Variants in FYB1 observed in about 807,000 individuals in gnomAD.
FYB1 encodes the protein FYN binding protein 1, also known as FYN-binding protein 1.
Under a neutral mutation model 94.1 loss-of-function variants are expected in FYB1, and 41 were observed. The ratio of observed to expected loss-of-function variants is 0.44; its 90% CI spans 0.34 to 0.57. FYB1 has a LOEUF of 0.57. Ranked by LOEUF, FYB1 falls within the 20% of genes least tolerant of loss-of-function variation. The pLI, the probability that FYB1 is intolerant of heterozygous loss-of-function variation, is 0.02. For missense variants in FYB1, 1,050 were observed against 976.8 expected, an observed-to-expected ratio of 1.07 and a Z score of -1.00; for synonymous variants, 367 against 353.2, an observed-to-expected ratio of 1.04 and a Z score of -0.44.
chr5:39,247,718 A>G (rs1751543525), intron 1 of FYB1, among the ~76,000 whole-genome samples: 1 of 151,928 alleles, frequency 6.6e-6, no homozygotes, highest in African/African-American at 2.4e-5. Flanking sequence ...TTACATGGTG[A>G]AGTAAACATT....
At chr5:39,218,849 G>A (rs1307845710) in intron 1 of FYB1, among the ~76,000 whole-genome samples, 1 of 152,234 alleles carries the variant, frequency 6.6e-6, no homozygotes, top group Non-Finnish European at 1.5e-5. Flanking sequence ...GTTGCTGGTT[G>A]CTTTGAAAGG....
chr5:39,113,315 T>C (rs1739234297), intron 16 of FYB1, among the ~76,000 whole-genome samples: 2 of 152,132 alleles, frequency 1.3e-5, no homozygotes, highest in South Asian at 4.1e-4. Flanking sequence ...CTGTATCATG[T>C]AGAAGGGCAG....
Position 39,231,157 on chromosome 5 carries a change from AAAAAC to A in FYB1, c.-27-28175_-27-28171del, listed in dbSNP as rs1451647764. 5.1e-4 allele frequency among the ~76,000 whole-genome samples: 60 copies of A among 118,424 alleles called. 1 individual carries two copies. Among genetic ancestry groups the A allele is most frequent in the African/African-American group, 1.7e-3 (39 of 22,772 alleles). The allele number at this position is 118,424 out of a possible 152,430, so 77.7% of individuals were successfully genotyped here. A position where few individuals can be genotyped will look rare whatever the true frequency, so the allele number is the denominator to read the frequency against. ...GTACTCAGCTCAGAGCAAAAAAAAA[AAAAAC>A]AAAAAAAAACAAAAAAAACAAAACA... On this transcript the variant is annotated intron_variant, in intron 1 of 1. Transcript: ENST00000510188.
Position 39,106,443 on chromosome 5 carries a change from A to G in FYB1, c.*1000T>C, listed in dbSNP as rs1286195928. On this transcript the variant is annotated 3_prime_UTR_variant, in exon 19 of 19. Transcript: ENST00000512982. ...TTTTTGGATTGCTTTGGGAATGAGT[A>G]TGTACTGTTAGAGAAGGGCCCAATC... 6.6e-6 allele frequency: 1 copy of G among 152,138 alleles called. No individual in the cohort carries two copies. The highest frequency in any genetic ancestry group is 1.5e-5 in the Non-Finnish European group (1 of 68,004). The allele number at this position is 152,138 out of a possible 1,614,324, so 9.4% of individuals were successfully genotyped here.
chr5:39,160,412 G>A (rs1744142937), intron 2 of FYB1, among the ~76,000 whole-genome samples: 2 of 152,102 alleles, frequency 1.3e-5, no homozygotes, highest in Non-Finnish European at 2.9e-5. Flanking sequence ...AGATTTGTTC[G>A]AGAATCTTAG....
intron 2 of FYB1, among the ~76,000 whole-genome samples, chr5:39,184,357 G>A (rs370145979): frequency 4.6e-5 from 7 of 152,196 alleles, no homozygotes; most frequent in African/African-American, 1.7e-4. Flanking sequence ...TGAGGAGGTA[G>A]GTACACTTAT....
chr5:39,110,057 A>G lies in FYB1; in HGVS notation c.2435+299T>C, dbSNP rs567259003. On this transcript the variant is annotated intron_variant, in intron 17 of 18. Coordinates refer to ENST00000512982, the MANE Select transcript of FYB1 (RefSeq NM_001465.6). ...AATGCAAAATATTGATGAAAAGGTT[A>G]CTGGCTTTGACATGTCTTCAGTGTT... Among the ~76,000 whole-genome samples, 19 of 152,266 alleles carry G rather than the reference A, an allele frequency of 1.2e-4. 1 individual carries two copies. The South Asian group carries it at 3.5e-3, about 28-fold the overall frequency.
chr5:39,203,471 T>A (rs574783768), intron 1 of FYB1, among the ~76,000 whole-genome samples: 1 of 152,344 alleles, frequency 6.6e-6, no homozygotes, highest in East Asian at 1.9e-4. Context: ...ATGTTTAACA[T>A]ACATCTCTGT....
intron 1 of FYB1, among the ~76,000 whole-genome samples, chr5:39,215,073 T>C (rs1288153323): frequency 6.6e-6 from 1 of 152,140 alleles, no homozygotes; most frequent in African/African-American, 2.4e-5. Flanking sequence ...GAGTTACAGT[T>C]GGGAAAGAAG....
chr5:39,204,502 G>A (rs1748668458), intron 1 of FYB1, among the ~76,000 whole-genome samples: 1 of 152,190 alleles, frequency 6.6e-6, no homozygotes, highest in African/African-American at 2.4e-5. Context: ...TATTAGAACT[G>A]TTATGTAGCA....
chr5:39,166,437 TAA>T (rs61298144), intron 2 of FYB1, among the ~76,000 whole-genome samples: 679 of 138,874 alleles, frequency 4.9e-3, no homozygotes, highest in Middle Eastern at 7.3e-3. Flanking sequence ...CTCCGTCTCA[TAA>T]AAAAAAAAAA....
At chr5:39,171,247 G>A (rs753825793) in intron 2 of FYB1, among the ~76,000 whole-genome samples, 1 of 151,780 alleles carries the variant, frequency 6.6e-6, no homozygotes, top group Non-Finnish European at 1.5e-5. Flanking sequence ...CCGAGATCGT[G>A]CCACTGCTCT....
At chr5:39,249,900 A>G (rs1447304439) in intron 1 of FYB1, among the ~76,000 whole-genome samples, 3 of 152,166 alleles carry the variant, frequency 2.0e-5, no homozygotes, top group Non-Finnish European at 4.4e-5. Flanking sequence ...TGTAATCCCT[A>G]TAACCCCCAT....
intron 2 of FYB1, among the ~76,000 whole-genome samples, chr5:39,180,361 T>C (rs545008562): frequency 2.0e-5 from 3 of 152,340 alleles, no homozygotes; most frequent in Admixed American, 1.3e-4. Context: ...CCTGATGCCC[T>C]TCACCAGCGC....
intron 3 of FYB1, among the ~76,000 whole-genome samples, chr5:39,153,002 G>T (rs1743378821): frequency 6.6e-6 from 1 of 152,178 alleles, no homozygotes; most frequent in Non-Finnish European, 1.5e-5. Context: ...GTGAAATAAT[G>T]ATGATACTAT....
chr5:39,270,654 A>G, intron 1 of FYB1: 1 of 1,364,216 alleles, frequency 7.3e-7, no homozygotes, highest in Non-Finnish European at 1.0e-6. Context: ...CAAGTTAGCT[A>G]TGCAGAGTGT....
chr5:39,270,670 C>T (rs2111774524), intron 1 of FYB1: 1 of 1,177,918 alleles, frequency 8.5e-7, no homozygotes, highest in Non-Finnish European at 1.2e-6. Flanking sequence ...AGTGTACTTC[C>T]TTTTCTGAGC....
chr5:39,246,623 A>G lies in FYB1; in HGVS notation c.-28+27780T>C, dbSNP rs1751487957. ...ATGTCTCACAGGTAATAGTTCTGAG[A>G]GTTGAAAGTGACTTTTATAGTGGAA... On this transcript the variant is annotated intron_variant, in intron 1 of 1. Transcript: ENST00000510188. Among the ~76,000 whole-genome samples, 3 of 152,260 alleles carry G rather than the reference A, an allele frequency of 2.0e-5. 1 individual carries two copies. In the South Asian group the frequency reaches 6.2e-4, roughly 32 times the overall value.
intron 3 of FYB1, among the ~76,000 whole-genome samples, chr5:39,151,224 C>T (rs917543078): frequency 1.4e-4 from 21 of 152,208 alleles, no homozygotes; most frequent in Non-Finnish European, 2.2e-4. Flanking sequence ...CTTACCTCTG[C>T]TCCGTTTTCC....
Sources: allele counts gnomAD v4.1 joint callset (sites outside exome capture counted in the v4.1 genomes callset), GRCh38; gene constraint gnomAD v4.1.1; transcripts MANE v1.5; gene names NCBI Gene and HGNC (gene_info 2026-07-23, HGNC 2026-07-21).